UFSP2: variants seen among roughly 807,000 people sequenced by gnomAD.
UFSP2 encodes the protein UFM1 specific peptidase 2.
Under a neutral mutation model 60.2 loss-of-function variants are expected in UFSP2, and 43 were observed. That is an observed-to-expected ratio of 0.71 (90% CI 0.56 to 0.92). The LOEUF is 0.92. UFSP2 is among the 40% of genes least tolerant of loss of function. The probability of loss-of-function intolerance (pLI) is 0.00; values close to 1 mark genes in which losing one functional copy is unlikely to be tolerated. For missense variants in UFSP2, 520 were observed against 575.0 expected, an observed-to-expected ratio of 0.90 and a Z score of 0.98; for synonymous variants, 183 against 195.1, an observed-to-expected ratio of 0.94 and a Z score of 0.52.
chr4:185,400,140 T>C lies in UFSP2; in HGVS notation c.*252A>G. ...CTTCTGAGAAGGACGAAAAACTTTC[T>C]TCCAAGTGAAGATCCATTTAAGAAC... is the stretch of plus-strand genomic sequence containing the variant. On this transcript the variant is annotated 3_prime_UTR_variant, in exon 12 of 12. Coordinates refer to ENST00000264689, the MANE Select transcript of UFSP2 (RefSeq NM_018359.5). 1.1e-6 allele frequency: 1 copy of C among 940,104 alleles called. No individual in the cohort carries two copies. Among genetic ancestry groups the C allele is most frequent in the South Asian group, 1.6e-5 (1 of 62,040 alleles). The allele number at this position is 940,104 out of a possible 1,614,324, so 58.2% of individuals were successfully genotyped here.
intron 9 of UFSP2, among the ~76,000 whole-genome samples, chr4:185,406,774 C>T (rs546894523): frequency 6.2e-4 from 94 of 152,082 alleles, no homozygotes; most frequent in Middle Eastern, 3.4e-3. Context: ...CAGGGTTTCA[C>T]CATGTTGGCC....
intron 10 of UFSP2, among the ~76,000 whole-genome samples, chr4:185,404,332 G>A (rs575971265): frequency 3.2e-5 from 4 of 126,204 alleles, no homozygotes; most frequent in South Asian, 2.5e-4. Flanking sequence ...AGAGTCTCAC[G>A]TCACCCAGGC....
chr4:185,411,576 A>C (rs77482972), intron 7 of UFSP2, among the ~76,000 whole-genome samples: 10,295 of 152,246 alleles, frequency 0.068, 385 homozygotes, highest in South Asian at 0.088. Context: ...AGTTTATTTC[A>C]TGAATGCACA....
intron 8 of UFSP2, 36 bp downstream of exon 8, chr4:185,408,235 A>G: frequency 6.2e-7 from 1 of 1,602,840 alleles, no homozygotes; most frequent in Non-Finnish European, 8.5e-7. Context: ...AATGAAACAT[A>G]CAGTTGATTA....
In UFSP2 at chr4:185,403,621, A is replaced by C. The variant is rs750581319; in HGVS notation, c.1199-3T>G. ...TGTGTGGGCCAAAACTCCTCCCCCTATAGAAGAAAAAATAGGAAATACGAA... is the reference window on the plus strand; with the variant it reads ...TGTGTGGGCCAAAACTCCTCCCCCTCTAGAAGAAAAAATAGGAAATACGAA... On this transcript the variant is annotated splice_polypyrimidine_tract_variant and splice_region_variant and intron_variant, in intron 10 of 11. Coordinates refer to ENST00000264689, the MANE Select transcript of UFSP2 (RefSeq NM_018359.5). 2.5e-6 allele frequency: 4 copies of C among 1,598,856 alleles called. No homozygotes were observed. The African/African-American group carries it at 5.4e-5, about 22-fold the overall frequency.
At chr4:185,423,807 C>CAT (rs1277426070) in intron 1 of UFSP2, among the ~76,000 whole-genome samples, 2 of 151,786 alleles carry the variant, frequency 1.3e-5, no homozygotes, top group African/African-American at 2.4e-5. Flanking sequence ...TATATACATA[C>CAT]ATATATACAC....
chr4:185,415,795 T>C lies in UFSP2; in HGVS notation c.406A>G (p.Arg136Gly). Residue 136 changes from arginine to glycine, a missense_variant, in exon 5 of 12, where the codon AGG becomes GGG. Physicochemically the swap from Arg to Gly is moderately radical, Grantham distance 125. Coordinates refer to ENST00000264689, the MANE Select transcript of UFSP2 (RefSeq NM_018359.5). The stretch of plus-strand genomic sequence containing the variant: ...ACATAATGGTGTCCTCCGCTTTCCC[T>C]TTCAATGATGGGCGTTACAGCTGCC... The part of the protein sequence containing the change: ...SLAAVTPIIE[R>G]ESGGHHYVNM... 6.2e-7 allele frequency: 1 copy of C among 1,613,810 alleles called. No homozygotes were observed. The highest frequency in any genetic ancestry group is 1.3e-5 in the African/African-American group (1 of 75,050).
chr4:185,415,401 A>G, intron 5 of UFSP2, 54 bp from the exon 6 acceptor site: 1 of 1,397,630 alleles, frequency 7.2e-7, no homozygotes, highest in South Asian at 1.5e-5. Flanking sequence ...ACTACAATAA[A>G]GAAAAGTACA....
At chr4:185,422,455 T>C (rs768615640) in intron 2 of UFSP2, 30 bp downstream of exon 2, 4 of 1,538,138 alleles carry the variant, frequency 2.6e-6, no homozygotes, top group South Asian at 2.3e-5. Flanking sequence ...ATCAATTTTC[T>C]AATAAAAAAG....
chr4:185,424,243 C>G (rs1406297466), intron 1 of UFSP2, among the ~76,000 whole-genome samples: 1 of 151,988 alleles, frequency 6.6e-6, no homozygotes. Context: ...GAGGTCAATG[C>G]TACAGTGAGC....
In UFSP2 at chr4:185,422,761, T is replaced by G. The variant is rs75988271; in HGVS notation, c.4-198A>C. Reference sequence around the variant, plus strand: ...AATTTTAAATCAGGGGTTCTCAACCTTTGTTCTATACTGAAATCACCTGGG... The same window carrying G: ...AATTTTAAATCAGGGGTTCTCAACCGTTGTTCTATACTGAAATCACCTGGG... On this transcript the variant is annotated intron_variant, in intron 1 of 11. Transcript: ENST00000264689. 8.5e-3 allele frequency among the ~76,000 whole-genome samples: 1,296 copies of G among 152,298 alleles called. 19 individuals carry two copies. The highest frequency in any genetic ancestry group is 0.053 in the South Asian group (257 of 4,824).
intron 7 of UFSP2, among the ~76,000 whole-genome samples, chr4:185,409,899 C>T (rs1314320368): frequency 1.3e-5 from 2 of 151,974 alleles, no homozygotes; most frequent in Non-Finnish European, 2.9e-5. Flanking sequence ...TGCTGGCAGC[C>T]ATCAGATTAA....
chr4:185,415,917 TATA>T (rs2095537849), intron 4 of UFSP2, 50 bp from the exon 5 acceptor site: 1 of 1,432,038 alleles, frequency 7.0e-7, no homozygotes, highest in Non-Finnish European at 9.4e-7. Flanking sequence ...AAACACTAAA[TATA>T]AAGAGTAAGT....
At chr4:185,404,315 T>C (rs1404060216) in intron 10 of UFSP2, among the ~76,000 whole-genome samples, 2 of 149,134 alleles carry the variant, frequency 1.3e-5, no homozygotes, top group African/African-American at 5.0e-5. Flanking sequence ...TTTTTTTTTT[T>C]TGAGCTAGAG....
At chr4:185,413,942 G>T (rs1326666683) in intron 6 of UFSP2, 70 bp from the exon 7 acceptor site, 49 of 1,374,806 alleles carry the variant, frequency 3.6e-5, no homozygotes, top group Admixed American at 1.1e-4. Context: ...AATAAATAAA[G>T]ATGTTATTAA....
intron 7 of UFSP2, among the ~76,000 whole-genome samples, chr4:185,412,969 G>A (rs945618949): frequency 6.6e-6 from 1 of 152,184 alleles, no homozygotes; most frequent in East Asian, 1.9e-4. Flanking sequence ...CCTGGCAACC[G>A]GGTATATGTT....
At chr4:185,404,887 A>G (rs1287292536) in intron 10 of UFSP2, among the ~76,000 whole-genome samples, 1 of 152,092 alleles carries the variant, frequency 6.6e-6, no homozygotes, top group Non-Finnish European at 1.5e-5. Flanking sequence ...GCCTGGCTAG[A>G]AAATGTATTT....
chr4:185,401,972 A>G (rs1426069219), intron 11 of UFSP2, among the ~76,000 whole-genome samples: 1 of 152,202 alleles, frequency 6.6e-6, no homozygotes, highest in Non-Finnish European at 1.5e-5. Context: ...TTTCTGACTG[A>G]GCTTGGTGTG....
At chr4:185,403,244 T>G (rs1450660271) in intron 11 of UFSP2, among the ~76,000 whole-genome samples, 1 of 152,250 alleles carries the variant, frequency 6.6e-6, no homozygotes, top group Non-Finnish European at 1.5e-5. Flanking sequence ...AATATATTTA[T>G]GAGTGTGTGT....
Sources: gnomAD v4.1 joint callset for allele counts (sites outside exome capture counted in the v4.1 genomes callset) on GRCh38, gnomAD v4.1.1 for gene constraint, MANE v1.5 for transcripts, NCBI Gene and HGNC (gene_info 2026-07-23, HGNC 2026-07-21) for gene names.